Variants in SLIT1 observed in about 807,000 individuals in gnomAD.
SLIT1 encodes the protein slit homolog 1 protein.
A neutral mutation model predicts 186.1 loss-of-function variants in SLIT1; 66 were observed. That is an observed-to-expected ratio of 0.35 (90% CI 0.29 to 0.44). SLIT1 has a LOEUF of 0.44. Ranked by LOEUF, SLIT1 falls within the 20% of genes least tolerant of loss-of-function variation. SLIT1 has a pLI of 1.00. For missense variants in SLIT1, 1,638 were observed against 2,037.4 expected (o/e 0.80, Z 3.77); for synonymous variants, 761 against 833.8 (o/e 0.91, Z 1.50).
chr10:97,144,518 C>T (rs1481010913), intron 4 of SLIT1, among the ~76,000 whole-genome samples: 1 of 152,148 alleles, frequency 6.6e-6, no homozygotes, highest in Non-Finnish European at 1.5e-5. Context: ...AGCTCTCAGG[C>T]GGCAGGCTAA....
rs1848406947 is a variant in SLIT1, at chr10:97,011,138, G to A, written c.3204-8C>T. 1 of 1,611,116 alleles carries A rather than the reference G, an allele frequency of 6.2e-7. No homozygotes were observed. The highest frequency in any genetic ancestry group is 8.5e-7 in the Non-Finnish European group (1 of 1,177,746). On this transcript the variant is annotated splice_polypyrimidine_tract_variant and splice_region_variant and intron_variant, in intron 30 of 36. Transcript: ENST00000266058. ...CCTGGCATGCACTCACACCTAGTGG[G>A]TGGGGGGCAGGGGTAGTTGGGGGGT...
At chr10:97,065,042 GT>G (rs967168793) in intron 5 of SLIT1, among the ~76,000 whole-genome samples, 166 bp from the exon 6 acceptor site, 3 of 151,898 alleles carry the variant, frequency 2.0e-5, no homozygotes, top group Admixed American at 1.3e-4. Context: ...AAACTTAAGG[GT>G]TTTTTTCTAA....
intron 34 of SLIT1, among the ~76,000 whole-genome samples, chr10:97,003,574 C>T (rs1848331587): frequency 6.6e-6 from 1 of 152,214 alleles, no homozygotes. Context: ...GGCCCCACTG[C>T]ATCCAGCAGC....
At chr10:97,065,193 G>T (rs1848933852) in intron 5 of SLIT1, among the ~76,000 whole-genome samples, 1 of 152,054 alleles carries the variant, frequency 6.6e-6, no homozygotes, top group Admixed American at 6.5e-5. Context: ...CCTAGTGGGT[G>T]CTGGCAGCTG....
chr10:97,055,887 C>T (rs1049206523), intron 13 of SLIT1, among the ~76,000 whole-genome samples: 4 of 152,170 alleles, frequency 2.6e-5, no homozygotes, highest in Non-Finnish European at 5.9e-5. Flanking sequence ...CTGATTATAA[C>T]ATGCATCCCA....
At chr10:97,124,071 C>T (rs1849583346) in intron 4 of SLIT1, among the ~76,000 whole-genome samples, 1 of 152,190 alleles carries the variant, frequency 6.6e-6, no homozygotes, top group African/African-American at 2.4e-5. Flanking sequence ...CAGCATTATG[C>T]AGCGGAAGCC....
intron 4 of SLIT1, among the ~76,000 whole-genome samples, chr10:97,128,112 C>T (rs1268675645): frequency 1.3e-5 from 2 of 152,056 alleles, no homozygotes; most frequent in Non-Finnish European, 2.9e-5. Context: ...TCCCGCCCTT[C>T]CTCGGCCCCT....
intron 4 of SLIT1, among the ~76,000 whole-genome samples, chr10:97,066,350 G>A (rs994752003): frequency 6.6e-6 from 1 of 152,200 alleles, no homozygotes; most frequent in African/African-American, 2.4e-5. Context: ...CTGGGCTCGG[G>A]GCTTGCAGCT....
rs564591805 is a variant in SLIT1 at position 97,088,532 on chromosome 10, G to A, written c.414-22446C>T. Among the ~76,000 whole-genome samples the A allele has an allele frequency of 4.1e-4, 62 of 152,320 alleles. No individual in the cohort carries two copies. The Middle Eastern group carries it at 0.02, about 50-fold the overall frequency. The stretch of plus-strand genomic sequence containing the variant: ...GTAAATGAAATGCTTTGGGCAGAGA[G>A]GGCTTTGCTGGTCGCCCTGGATTAG... On this transcript the variant is annotated intron_variant, in intron 4 of 36. Transcript: ENST00000266058.
At chr10:97,013,892 C>T in intron 29 of SLIT1, 58 bp from the exon 30 acceptor site, 1 of 1,537,446 alleles carries the variant, frequency 6.5e-7, no homozygotes, top group Non-Finnish European at 8.8e-7. Flanking sequence ...CTCTGCCGGG[C>T]AGCCAGACCC....
At chr10:97,058,095 G>T in intron 11 of SLIT1, 1 of 716,890 alleles carries the variant, frequency 1.4e-6, no homozygotes, top group South Asian at 1.5e-5. Context: ...CAGGTGACGG[G>T]GCCAGTGTGG....
intron 28 of SLIT1, among the ~76,000 whole-genome samples, chr10:97,015,825 C>T (rs578235700): frequency 1.1e-4 from 16 of 152,122 alleles, no homozygotes; most frequent in African/African-American, 3.4e-4. Flanking sequence ...TTTTAACTTA[C>T]GTGTACCCAT....
At chr10:97,038,638 A>G (rs1395222250) in intron 21 of SLIT1, among the ~76,000 whole-genome samples, 1 of 152,092 alleles carries the variant, frequency 6.6e-6, no homozygotes, top group Non-Finnish European at 1.5e-5. Context: ...CAATGCCAGG[A>G]GCTGAGCCAA....
intron 3 of SLIT1, 54 bp downstream of exon 3, chr10:97,163,326 T>C: frequency 6.7e-7 from 1 of 1,491,990 alleles, no homozygotes; most frequent in Non-Finnish European, 9.3e-7. Context: ...GGCCTGCCAG[T>C]TCCCTCTCGT....
chr10:97,125,581 G>A (rs908332995), intron 4 of SLIT1, among the ~76,000 whole-genome samples: 3 of 150,116 alleles, frequency 2.0e-5, no homozygotes, highest in African/African-American at 7.3e-5. Context: ...GCTCATGCCT[G>A]TAATCCCAGC....
chr10:97,107,933 C>T (rs879623902), intron 4 of SLIT1, among the ~76,000 whole-genome samples: 1 of 152,188 alleles, frequency 6.6e-6, no homozygotes, highest in Non-Finnish European at 1.5e-5. Flanking sequence ...AACCTGTGGG[C>T]AGGACCAGCA....
At chr10:97,139,861 G>A (rs967723417) in intron 4 of SLIT1, among the ~76,000 whole-genome samples, 5 of 152,180 alleles carry the variant, frequency 3.3e-5, no homozygotes, top group East Asian at 1.9e-4. Flanking sequence ...TCCCGAAATC[G>A]GCAAAGCCTC....
chr10:97,182,246 C>T (rs762001900), intron 1 of SLIT1, among the ~76,000 whole-genome samples: 11 of 152,172 alleles, frequency 7.2e-5, no homozygotes, highest in Non-Finnish European at 1.0e-4. Context: ...CTTTCCATTT[C>T]GGGGGACAGG....
intron 28 of SLIT1, among the ~76,000 whole-genome samples, chr10:97,014,877 A>T (rs1339217025): frequency 6.6e-6 from 1 of 151,948 alleles, no homozygotes; most frequent in Non-Finnish European, 1.5e-5. Flanking sequence ...AAAAAAAAAA[A>T]AAAGCCTAGA....
Sources: allele counts gnomAD v4.1 joint callset (sites outside exome capture counted in the v4.1 genomes callset), GRCh38; gene constraint gnomAD v4.1.1; transcripts MANE v1.5; gene names NCBI Gene and HGNC (gene_info 2026-07-23, HGNC 2026-07-21).